Variants in NR4A3 observed in about 807,000 individuals in gnomAD.
The protein encoded by NR4A3 is chondrosarcoma, extraskeletal myxoid, fused to EWS.
A neutral mutation model predicts 55.6 loss-of-function variants in NR4A3; 13 were observed. The observed-to-expected ratio is 0.23, with a 90% CI of 0.15 to 0.37. The LOEUF is 0.37. NR4A3 is among the 10% of genes least tolerant of loss of function. The pLI, the probability that NR4A3 is intolerant of heterozygous loss-of-function variation, is 1.00. For synonymous variants in NR4A3, 342 were observed against 357.9 expected, an observed-to-expected ratio of 0.96 and a Z score of 0.50; for missense variants, 646 against 822.8, an observed-to-expected ratio of 0.79 and a Z score of 2.63.
At chr9:99,844,969 C>G in intron 6 of NR4A3, 121 bp downstream of exon 6, 1 of 809,216 alleles carries the variant, frequency 1.2e-6, no homozygotes, top group South Asian at 1.6e-5. Flanking sequence ...TATGATCAGG[C>G]ACTAAAAAGA....
chr9:99,850,630 G>A (rs1296432836), intron 7 of NR4A3, among the ~76,000 whole-genome samples: 2 of 152,122 alleles, frequency 1.3e-5, no homozygotes, highest in Non-Finnish European at 2.9e-5. Flanking sequence ...CTTTGGAATC[G>A]AGCACGCCCA....
Position 99,838,700 on chromosome 9 carries a change from G to A in NR4A3, c.1254+5246G>A, listed in dbSNP as rs1441150196. 5.3e-5 allele frequency among the ~76,000 whole-genome samples: 8 copies of A among 152,192 alleles called. 1 individual carries two copies. Among genetic ancestry groups the A allele is most frequent in the African/African-American group, 1.7e-4 (7 of 41,438 alleles). On this transcript the variant is annotated intron_variant, in intron 5 of 7. Coordinates refer to ENST00000395097, the MANE Select transcript of NR4A3 (RefSeq NM_006981.4). Reference sequence around the variant, plus strand: ...AACATGGTGCCCAGACTGCTCCTACGAGAAAGAGGTGGGGTGTTTGCTTTA... The same window carrying A: ...AACATGGTGCCCAGACTGCTCCTACAAGAAAGAGGTGGGGTGTTTGCTTTA...
chr9:99,833,454 A>G lies in NR4A3; in HGVS notation c.1254A>G (p.Arg418=), dbSNP rs1564031805. ...CACCCAGAGATCTTGATTATTCCAGAGTAAGTTTTATGATTTCCTGCTTTC... is the reference window on the plus strand; with the variant it reads ...CACCCAGAGATCTTGATTATTCCAGGGTAAGTTTTATGATTTCCTGCTTTC... ...DSTPRDLDYS[R]YCPTDQAAAG... Residue 418 remains arginine, a splice_region_variant and synonymous_variant, in exon 5 of 8, where the codon AGA becomes AGG. Coordinates refer to ENST00000395097, the MANE Select transcript of NR4A3 (RefSeq NM_006981.4). 1.2e-6 allele frequency: 2 copies of G among 1,614,032 alleles called. No individual in the cohort carries two copies. The highest frequency in any genetic ancestry group is 1.7e-6 in the Non-Finnish European group (2 of 1,179,928).
chr9:99,834,841 G>A (rs945873302), intron 5 of NR4A3: 1 of 985,076 alleles, frequency 1.0e-6, no homozygotes, highest in African/African-American at 1.7e-5. Context: ...AGCATCAAAG[G>A]TTGAGGACTC....
chr9:99,857,753 C>A (rs561057700), intron 7 of NR4A3, among the ~76,000 whole-genome samples: 1 of 112,442 alleles, frequency 8.9e-6, no homozygotes, highest in South Asian at 2.8e-4. Context: ...GACTCTGTCT[C>A]ACAAATAAAT....
intron 5 of NR4A3, among the ~76,000 whole-genome samples, chr9:99,834,532 G>A (rs1256409845): frequency 1.3e-5 from 2 of 152,026 alleles, no homozygotes; most frequent in Non-Finnish European, 2.9e-5. Context: ...AACACAGCTT[G>A]CACTCAGATA....
chr9:99,845,252 G>T (rs1053428472), intron 6 of NR4A3, among the ~76,000 whole-genome samples: 1 of 152,116 alleles, frequency 6.6e-6, no homozygotes, highest in African/African-American at 2.4e-5. Flanking sequence ...TATTTACCTC[G>T]TGGGTTTCTG....
Position 99,822,356 on chromosome 9 carries a change from G to C in NR4A3, c.-228G>C, listed in dbSNP as rs1564027801. The C allele has an allele frequency of 6.6e-6, 1 of 152,320 alleles. No homozygotes were observed. Among genetic ancestry groups the C allele is most frequent in the Non-Finnish European group, 1.5e-5 (1 of 68,124 alleles). 9.4% of individuals were successfully genotyped at this position (152,320 alleles called of 1,614,324 possible). The stretch of plus-strand genomic sequence containing the variant: ...GTGACTCCCCCCCAGTGCAGATTTC[G>C]GGACAGCTCTCTAGAAACTCGCTCT... On this transcript the variant is annotated 5_prime_UTR_variant, in exon 1 of 8. Transcript: ENST00000395097. The surrounding 1 kb of genome is among the most constrained non-coding windows in gnomAD (Gnocchi z 4.9).
At chr9:99,849,167 T>C (rs1218822433) in intron 7 of NR4A3, among the ~76,000 whole-genome samples, 1 of 152,216 alleles carries the variant, frequency 6.6e-6, no homozygotes, top group Non-Finnish European at 1.5e-5. Context: ...TCTTGGGATA[T>C]CTCCTATTAG....
intron 2 of NR4A3, among the ~76,000 whole-genome samples, chr9:99,827,813 G>T (rs760291162): frequency 2.6e-4 from 39 of 152,178 alleles, no homozygotes; most frequent in African/African-American, 6.8e-4. Context: ...GATAGGTACA[G>T]GAGTCCACAG....
At chr9:99,835,332 A>G (rs370650635) in intron 5 of NR4A3, among the ~76,000 whole-genome samples, 221 of 152,336 alleles carry the variant, frequency 1.5e-3, no homozygotes, top group African/African-American at 4.6e-3. Flanking sequence ...AGGTCACTGA[A>G]CTAATATGCA....
chr9:99,846,444 T>C (rs1827755105), intron 6 of NR4A3, among the ~76,000 whole-genome samples: 1 of 152,172 alleles, frequency 6.6e-6, no homozygotes, highest in South Asian at 2.1e-4. Flanking sequence ...AGTCATCATG[T>C]CCACCTGGAA....
chr9:99,863,661 T>C lies in NR4A3; in HGVS notation c.1675T>C (p.Cys559Arg), dbSNP rs1828046111. The change falls in exon 8 of 8, where the codon TGC becomes CGC. Residue 559 changes from cysteine to arginine, a missense_variant. Cys to Arg is a radical substitution (Grantham distance 180). Transcript: ENST00000395097. The stretch of plus-strand genomic sequence containing the variant: ...AGAACCAAAGAGAGTCGAAGAGCTA[T>C]GCAACAAGATCACAAGCAGTTTAAA... ...LKEPKRVEEL[C>R]NKITSSLKDH... 7.4e-6 allele frequency: 12 copies of C among 1,613,986 alleles called. No individual in the cohort carries two copies. The highest frequency in any genetic ancestry group is 1.0e-5 in the Non-Finnish European group (12 of 1,179,936).
chr9:99,829,795 C>G (rs1352338275), intron 3 of NR4A3, among the ~76,000 whole-genome samples: 1 of 152,114 alleles, frequency 6.6e-6, no homozygotes, highest in Non-Finnish European at 1.5e-5. Context: ...CCCTCATAGG[C>G]CTAACGGAGA....
intron 5 of NR4A3, among the ~76,000 whole-genome samples, chr9:99,836,980 A>T (rs1827569596): frequency 6.6e-6 from 1 of 152,194 alleles, no homozygotes; most frequent in African/African-American, 2.4e-5. Context: ...ATTTTTAAAC[A>T]TACCTGTTGG....
intron 5 of NR4A3, among the ~76,000 whole-genome samples, chr9:99,834,503 A>G (rs1254867930): frequency 6.6e-6 from 1 of 152,184 alleles, no homozygotes; most frequent in Non-Finnish European, 1.5e-5. Context: ...AAACAAAAAC[A>G]AAAACAAAAA....
At chr9:99,846,408 T>C (rs1827754223) in intron 6 of NR4A3, among the ~76,000 whole-genome samples, 1 of 152,148 alleles carries the variant, frequency 6.6e-6, no homozygotes. Flanking sequence ...CAGAGAGATT[T>C]AAGGAGCACC....
intron 5 of NR4A3, among the ~76,000 whole-genome samples, chr9:99,841,454 C>A (rs1012606263): frequency 5.9e-5 from 9 of 152,114 alleles, no homozygotes; most frequent in African/African-American, 2.2e-4. Flanking sequence ...GGCTGAAAAT[C>A]AAAAACTTTC....
chr9:99,860,164 A>T (rs900689663), intron 7 of NR4A3, among the ~76,000 whole-genome samples: 11 of 152,096 alleles, frequency 7.2e-5, no homozygotes, highest in East Asian at 1.9e-4. Flanking sequence ...GCATAGATGG[A>T]ATCACAGCTT....
Sources: allele counts gnomAD v4.1 joint callset (sites outside exome capture counted in the v4.1 genomes callset), GRCh38; gene constraint gnomAD v4.1.1; non-coding constraint Gnocchi (gnomAD v3.1); transcripts MANE v1.5; gene names NCBI Gene and HGNC (gene_info 2026-07-23, HGNC 2026-07-21).